Variants in LINGO2 observed in about 807,000 individuals in gnomAD.
LINGO2 encodes the protein leucine rich repeat and Ig domain containing 2, also known as leucine-rich repeat and immunoglobulin-like domain-containing nogo receptor-interacting protein 2.
LINGO2 carries 14 observed loss-of-function variants against 30.6 expected under a neutral mutation model. That is an observed-to-expected ratio of 0.46 (90% CI 0.30 to 0.72). The LOEUF is 0.72. Ranked by LOEUF, LINGO2 falls within the 30% of genes least tolerant of loss-of-function variation. The probability of loss-of-function intolerance (pLI) is 0.07; values close to 1 mark genes in which losing one functional copy is unlikely to be tolerated. For missense variants in LINGO2, 729 were observed against 751.7 expected (o/e 0.97, Z 0.35); for synonymous variants, 317 against 288.5 (o/e 1.10, Z -1.00).
the LINGO2 span, among the ~76,000 whole-genome samples, chr9:29,033,374 T>C: frequency 1.7e-5 from 2 of 114,978 alleles, no homozygotes; most frequent in African/African-American, 3.2e-5. Flanking sequence ...ATAAAACTGC[T>C]TTACTATATA....
intron 1 of LINGO2, among the ~76,000 whole-genome samples, chr9:28,508,295 A>T (rs2135349432): frequency 6.6e-6 from 1 of 152,246 alleles, no homozygotes; most frequent in Non-Finnish European, 1.5e-5. Context: ...AGAAAATAGT[A>T]TTTATTAAGT....
chr9:28,106,940 C>T (rs941605512), intron 4 of LINGO2, among the ~76,000 whole-genome samples: 1 of 152,140 alleles, frequency 6.6e-6, no homozygotes, highest in Non-Finnish European at 1.5e-5. Flanking sequence ...TGATTACTTA[C>T]CACACAAGAA....
chr9:28,432,590 C>T (rs1239765824), intron 2 of LINGO2, among the ~76,000 whole-genome samples: 1 of 151,972 alleles, frequency 6.6e-6, no homozygotes, highest in Non-Finnish European at 1.5e-5. Flanking sequence ...AAAAATAAAT[C>T]TATTCACATG....
At chr9:28,664,995 AC>A (rs1828738432) in intron 1 of LINGO2, among the ~76,000 whole-genome samples, 1 of 77,278 alleles carries the variant, frequency 1.3e-5, no homozygotes, top group African/African-American at 5.2e-5. Context: ...GTATGTGTTT[AC>A]ATATATATAT....
chr9:28,676,647 G>C, the LINGO2 span, among the ~76,000 whole-genome samples: 6 of 152,190 alleles, frequency 3.9e-5, no homozygotes, highest in East Asian at 7.7e-4. Context: ...TGGTGGTGGT[G>C]GTGGCTCTAA....
intron 4 of LINGO2, among the ~76,000 whole-genome samples, chr9:28,205,328 T>G (rs10968386): frequency 0.19 from 29,185 of 152,026 alleles, 2,953 homozygotes; most frequent in South Asian, 0.28. Flanking sequence ...GGAATTCCTT[T>G]CCCCCAGATA....
At chr9:28,024,507 A>G (rs1178318953) in intron 4 of LINGO2, among the ~76,000 whole-genome samples, 3 of 152,180 alleles carry the variant, frequency 2.0e-5, no homozygotes, top group Non-Finnish European at 4.4e-5. Context: ...TCAGGCTTTG[A>G]TGGAACAGGG....
the LINGO2 span, among the ~76,000 whole-genome samples, chr9:28,867,690 A>G: frequency 5.3e-5 from 8 of 152,150 alleles, no homozygotes; most frequent in African/African-American, 1.9e-4. Context: ...TGCCTTCAAC[A>G]CGTGGCAGTT....
At chr9:28,672,250 C>T (rs1220498285), upstream of LINGO2, among the ~76,000 whole-genome samples, 1 of 152,160 alleles carries the variant, frequency 6.6e-6, no homozygotes, top group Non-Finnish European at 1.5e-5. Flanking sequence ...GGTTGCATTG[C>T]ATTTTACGAA....
the LINGO2 span, among the ~76,000 whole-genome samples, chr9:28,691,649 T>C: frequency 6.6e-6 from 1 of 152,172 alleles, no homozygotes; most frequent in Non-Finnish European, 1.5e-5. Context: ...TCCATCATAG[T>C]AGTGATCTTG....
intron 4 of LINGO2, among the ~76,000 whole-genome samples, chr9:28,214,458 T>G (rs1820697039): frequency 6.6e-6 from 1 of 151,598 alleles, no homozygotes; most frequent in Admixed American, 6.6e-5. Context: ...ACTATTGAAT[T>G]CCATTATCTT....
At chr9:28,245,334 C>T (rs1821958250) in intron 4 of LINGO2, among the ~76,000 whole-genome samples, 1 of 152,098 alleles carries the variant, frequency 6.6e-6, no homozygotes, top group Non-Finnish European at 1.5e-5. Context: ...TTATAACAAA[C>T]CCACAACTGA....
At chr9:29,084,113 T>C in the LINGO2 span, among the ~76,000 whole-genome samples, 1 of 98,132 alleles carries the variant, frequency 1.0e-5, no homozygotes, top group Non-Finnish European at 2.2e-5. Flanking sequence ...ATGAACTCTA[T>C]ATATTTCTGG....
chr9:28,195,338 C>T (rs1404126730), intron 4 of LINGO2, among the ~76,000 whole-genome samples: 1 of 142,668 alleles, frequency 7.0e-6, no homozygotes, highest in Non-Finnish European at 1.6e-5. Flanking sequence ...TGTTATGGAA[C>T]TCATTAAAAA....
the LINGO2 span, among the ~76,000 whole-genome samples, chr9:28,790,302 T>C: frequency 1.3e-5 from 2 of 150,670 alleles, no homozygotes; most frequent in African/African-American, 4.9e-5. Context: ...CTCATTTTAC[T>C]TTACCCATCT....
At chr9:28,149,271 G>T (rs1827912475) in intron 4 of LINGO2, 1 of 641,410 alleles carries the variant, frequency 1.6e-6, no homozygotes, top group Non-Finnish European at 2.7e-6. Context: ...GGGCGGATCA[G>T]GAGGTCAAGA....
the LINGO2 span, among the ~76,000 whole-genome samples, chr9:28,680,858 T>C: frequency 6.6e-6 from 1 of 152,140 alleles, no homozygotes; most frequent in Admixed American, 6.6e-5. Flanking sequence ...TCTTTATGCA[T>C]TTTTGACATT....
At chr9:27,982,521 C>G (rs1820929278) in intron 5 of LINGO2, among the ~76,000 whole-genome samples, 1 of 151,840 alleles carries the variant, frequency 6.6e-6, no homozygotes, top group Non-Finnish European at 1.5e-5. Context: ...CATGCATTAA[C>G]TCAATTCCCT....
chr9:28,962,440 C>T, the LINGO2 span, among the ~76,000 whole-genome samples: 1 of 152,002 alleles, frequency 6.6e-6, no homozygotes, highest in South Asian at 2.1e-4. Context: ...TTTGCATTTA[C>T]TTTTTAAATG....
Sources: gnomAD v4.1 joint callset for allele counts (sites outside exome capture counted in the v4.1 genomes callset) on GRCh38, gnomAD v4.1.1 for gene constraint, MANE v1.5 for transcripts, NCBI Gene and HGNC (gene_info 2026-07-23, HGNC 2026-07-21) for gene names.